The following LMNA variants were observed in gnomAD, a reference collection of about 807,000 sequenced individuals.
LMNA encodes the protein lamin.
In LMNA, 20 loss-of-function variants were observed where a neutral mutation model predicts 70.4. The ratio of observed to expected loss-of-function variants is 0.28; its 90% CI spans 0.20 to 0.41. The LOEUF (loss-of-function observed/expected upper bound fraction) is 0.41, where lower values mean the gene tolerates loss of function less well. Ranked by LOEUF, LMNA falls within the 10% of genes least tolerant of loss-of-function variation. LMNA has a pLI of 1.00. For synonymous variants in LMNA, 339 were observed against 372.8 expected (o/e 0.91, Z 1.04); for missense variants, 652 against 917.2 (o/e 0.71, Z 3.73).
chr1:156,089,095 A>G (rs1648593449), intron 2 of LMNA, among the ~76,000 whole-genome samples: 1 of 152,084 alleles, frequency 6.6e-6, no homozygotes, highest in South Asian at 2.1e-4. Context: ...CTCCCACCTC[A>G]GCTTCCTGAG....
At chr1:156,093,122 C>A (rs1267144515) in intron 3 of LMNA, among the ~76,000 whole-genome samples, 1 of 151,672 alleles carries the variant, frequency 6.6e-6, no homozygotes, top group Non-Finnish European at 1.5e-5. Flanking sequence ...CTCCTGACTT[C>A]AGGTGATCTG....
At chr1:156,092,894 T>TC (rs1648763172) in intron 3 of LMNA, among the ~76,000 whole-genome samples, 1 of 149,152 alleles carries the variant, frequency 6.7e-6, no homozygotes, top group African/African-American at 2.5e-5. Context: ...TTTTTTCTTT[T>TC]TTTTTTTTTT....
chr1:156,131,098 C>T (rs575923031), intron 2 of LMNA, among the ~76,000 whole-genome samples: 8 of 151,996 alleles, frequency 5.3e-5, no homozygotes, highest in African/African-American at 1.9e-4. Flanking sequence ...GGTGAAACCC[C>T]GTCTCTACTA....
rs769404097 is a variant in LMNA at position 156,135,270 on chromosome 1, C to A, written c.894C>A (p.Arg298=). The change falls in exon 5 of 12, where the codon CGC becomes CGA. Residue 298 remains arginine (R), a synonymous_variant. Coordinates refer to ENST00000368300, the MANE Select transcript of LMNA (RefSeq NM_170707.4). This position sits in a 1 kb window ranked among gnomAD's most constrained non-coding sequence, Gnocchi z 4.8. ...AGGAGCTGCAGCAGTCGCGCATCCG[C>A]ATCGACAGCCTCTCTGCCCAGCTCA... The part of the protein sequence containing the change: ...AHEELQQSRI[R]IDSLSAQLSQ... 1 of 1,613,508 alleles carries A rather than the reference C, an allele frequency of 6.2e-7. No individual in the cohort carries two copies. Among genetic ancestry groups the A allele is most frequent in the Non-Finnish European group, 8.5e-7 (1 of 1,180,020 alleles).
intron 2 of LMNA, among the ~76,000 whole-genome samples, chr1:156,084,080 G>C (rs1411063743): frequency 1.3e-5 from 2 of 151,998 alleles, no homozygotes; most frequent in African/African-American, 2.4e-5. Flanking sequence ...TTTTATAATA[G>C]TGGGTGGGTG....
intron 2 of LMNA, among the ~76,000 whole-genome samples, chr1:156,133,167 C>T (rs1030252797): frequency 3.3e-5 from 5 of 151,946 alleles, no homozygotes; most frequent in Admixed American, 6.6e-5. Context: ...GTTGTTGAGG[C>T]TGGTCTTGAA....
chr1:156,119,840 C>A (rs609625), intron 1 of LMNA, among the ~76,000 whole-genome samples: 1 of 152,024 alleles, frequency 6.6e-6, no homozygotes, highest in African/African-American at 2.4e-5. Context: ...TCTTCTGCCC[C>A]CCTCCCCATT....
intron 1 of LMNA, among the ~76,000 whole-genome samples, chr1:156,125,352 G>A (rs557149137): frequency 9.9e-5 from 15 of 152,154 alleles, no homozygotes; most frequent in African/African-American, 1.4e-4. Context: ...AGCAGAAGAC[G>A]CCCTGTCACA....
At chr1:156,123,108 C>T (rs1224190250) in intron 1 of LMNA, 1 of 151,972 alleles carries the variant, frequency 6.6e-6, no homozygotes, top group African/African-American at 2.4e-5. Flanking sequence ...TGAGGGGTGG[C>T]CTTTTCTTGA....
chr1:156,133,280 T>G (rs955399434), intron 2 of LMNA, among the ~76,000 whole-genome samples: 2 of 151,946 alleles, frequency 1.3e-5, no homozygotes, highest in African/African-American at 4.8e-5. Flanking sequence ...TAAATGAAAA[T>G]CTAAGCATAC....
rs398124550 is a variant in LMNA, at chr1:156,138,662, A to T, written c.1873A>T (p.Ser625Cys). 10 of 1,613,500 alleles carry T rather than the reference A, an allele frequency of 6.2e-6. 2 individuals carry two copies. The South Asian group carries it at 1.1e-4, about 18-fold the overall frequency. ...SSASSVTVTRSYRSVGGSGGG... is the reference protein window; with the variant it reads ...SSASSVTVTRCYRSVGGSGGG... ...TGCCTCCAGTGTCACGGTCACTCGC[A>T]GCTACCGCAGTGTGGGGGGCAGTGG... The change falls in exon 11 of 12, where the codon AGC (serine) becomes TGC (cysteine). Residue 625 changes from serine to cysteine, a missense_variant. Transcript: ENST00000368300. The surrounding 1 kb of genome is among the most constrained non-coding windows in gnomAD (Gnocchi z 5.5).
At chr1:156,092,868 C>CTTTCT (rs373755816) in intron 3 of LMNA, among the ~76,000 whole-genome samples, 2 of 149,966 alleles carry the variant, frequency 1.3e-5, no homozygotes, top group South Asian at 4.3e-4. Context: ...TTTCTCCTTT[C>CTTTCT]TTTCTTTTCT....
At position 156,138,328 on chromosome 1, in the gene LMNA, C is replaced by A; in HGVS notation, c.1699-160C>A. 2.8e-6 allele frequency: 2 copies of A among 710,106 alleles called. No individual in the cohort carries two copies. Among genetic ancestry groups the A allele is most frequent in the East Asian group, 2.7e-5 (1 of 36,910 alleles). 44.0% of individuals were successfully genotyped at this position (710,106 alleles called of 1,614,324 possible). A position where few individuals can be genotyped will look rare whatever the true frequency, so the allele number is the denominator to read the frequency against. On this transcript the variant is annotated intron_variant, in intron 10 of 11. Transcript: ENST00000368300. This position sits in a 1 kb window ranked among gnomAD's most constrained non-coding sequence, Gnocchi z 5.5. ...TATGTCTTCCCTCTCCTCCTCCGGG[C>A]CCCTAGCCTCCCAAACCCCCATTGC...
intron 3 of LMNA, chr1:156,106,551 C>T (rs1277964129): frequency 2.6e-5 from 4 of 152,570 alleles, no homozygotes; most frequent in Middle Eastern, 3.4e-3. Context: ...AACAGCCCCG[C>T]CTGAATCCAG....
intron 1 of LMNA, among the ~76,000 whole-genome samples, chr1:156,124,374 C>T (rs1404163352): frequency 1.3e-5 from 2 of 152,002 alleles, no homozygotes; most frequent in Non-Finnish European, 2.9e-5. Context: ...CTGCAAACTC[C>T]GCCTCCTGGG....
rs61094188 is a variant in LMNA, at chr1:156,136,257, C to T, written c.1201C>T (p.Arg401Cys). The change falls in exon 7 of 12, where the codon CGT becomes TGT. Residue 401 changes from arginine (R) to cysteine (C), a missense_variant. Coordinates refer to ENST00000368300, the MANE Select transcript of LMNA (RefSeq NM_170707.4). The surrounding 1 kb of genome is among the most constrained non-coding windows in gnomAD (Gnocchi z 6.1). Reference sequence around the variant, plus strand: ...CCCTACCTCGCAGCGCAGCCGTGGCCGTGCTTCCTCTCACTCATCCCAGAC... The same window carrying T: ...CCCTACCTCGCAGCGCAGCCGTGGCTGTGCTTCCTCTCACTCATCCCAGAC... ...PSPTSQRSRGRASSHSSQTQG... is the reference protein window; with the variant it reads ...PSPTSQRSRGCASSHSSQTQG... The T allele has an allele frequency of 7.3e-5, 118 of 1,611,838 alleles. No homozygotes were observed. The highest frequency in any genetic ancestry group is 1.8e-4 in the Middle Eastern group (1 of 5,634).
chr1:156,117,144 G>A (rs990310413), intron 1 of LMNA, among the ~76,000 whole-genome samples: 5 of 146,764 alleles, frequency 3.4e-5, no homozygotes, highest in African/African-American at 1.3e-4. Flanking sequence ...TGGCTAGGCT[G>A]GTCTCAAACT....
At chr1:156,133,364 A>C (rs1651247305) in intron 2 of LMNA, among the ~76,000 whole-genome samples, 1 of 151,784 alleles carries the variant, frequency 6.6e-6, no homozygotes, top group African/African-American at 2.4e-5. Flanking sequence ...CGAGGTCAGG[A>C]GATCGAGACT....
rs1651707644 is a variant in LMNA at position 156,137,062 on chromosome 1, C to G, written c.1488+34C>G. 8.7e-6 allele frequency: 14 copies of G among 1,614,154 alleles called. No individual in the cohort carries two copies. The highest frequency in any genetic ancestry group is 1.2e-5 in the Non-Finnish European group (14 of 1,180,018). On this transcript the variant is annotated intron_variant, in intron 8 of 11. Transcript: ENST00000368300. The surrounding 1 kb of genome is among the most constrained non-coding windows in gnomAD (Gnocchi z 4.6). ...CAGGGCGCTTGGGACTCTGGGGAGG[C>G]CTTGGGTGGCGATGGGAGCGCTGGG... is the stretch of plus-strand genomic sequence containing the variant.
Sources: allele counts gnomAD v4.1 joint callset (sites outside exome capture counted in the v4.1 genomes callset), GRCh38; gene constraint gnomAD v4.1.1; non-coding constraint Gnocchi (gnomAD v3.1); transcripts MANE v1.5; gene names NCBI Gene and HGNC (gene_info 2026-07-23, HGNC 2026-07-21).